SHMT1: variants seen among roughly 807,000 people sequenced by gnomAD.
SHMT1 encodes the protein serine hydroxymethyltransferase 1.
Under a neutral mutation model 49.0 loss-of-function variants are expected in SHMT1, and 45 were observed. The ratio of observed to expected loss-of-function variants is 0.92; its 90% confidence interval spans 0.72 to 1.18. The LOEUF (loss-of-function observed/expected upper bound fraction) is 1.18. Among genes scored for constraint, SHMT1 ranks in the 50% most tolerant of loss-of-function variants. The probability of loss-of-function intolerance (pLI) is 0.00; values close to 1 mark genes in which losing one functional copy is unlikely to be tolerated. For missense variants in SHMT1, 541 were observed against 612.4 expected (o/e 0.88, Z 1.23); for synonymous variants, 232 against 246.6 (o/e 0.94, Z 0.55).
chr17:18,346,703 T>C (rs551825273), intron 5 of SHMT1, among the ~76,000 whole-genome samples: 30 of 152,156 alleles, frequency 2.0e-4, no homozygotes, highest in Non-Finnish European at 3.7e-4. Context: ...ATACCTAACC[T>C]ACCAAACATC....
chr17:18,362,905 C>A (rs1406512262), intron 1 of SHMT1: 1 of 152,186 alleles, frequency 6.6e-6, no homozygotes, highest in East Asian at 1.9e-4. Flanking sequence ...CCTTTAGGGG[C>A]GCAGGCTTTG....
rs1048683127 is a variant in SHMT1, at chr17:18,333,372, C to A, written c.932-84G>T. On this transcript the variant is annotated intron_variant, in intron 8 of 11. Coordinates refer to ENST00000316694, the MANE Select transcript of SHMT1 (RefSeq NM_004169.5). ...GTCAAACAACATTCCTGTTTTTACT[C>A]AAGCTTCCTTGCTTTTCAATGTCAC... 2.1e-5 allele frequency: 29 copies of A among 1,404,178 alleles called. No individual in the cohort carries two copies. The African/African-American group carries it at 3.5e-4, about 17-fold the overall frequency. 87.0% of individuals were successfully genotyped at this position (1,404,178 alleles called of 1,614,324 possible).
At chr17:18,329,036 A>G in intron 11 of SHMT1, 117 bp from the exon 12 acceptor site, 2 of 1,322,710 alleles carry the variant, frequency 1.5e-6, no homozygotes, top group South Asian at 1.2e-5. Context: ...GGCAGGGCAC[A>G]AGGTCTCCAT....
rs1226199687 is a variant in SHMT1, at chr17:18,329,294, G to A, written c.1266C>T (p.Ala422=). The change falls in exon 11 of 12, where the codon GCC becomes GCT. Residue 422 remains alanine, a synonymous_variant. Coordinates refer to ENST00000316694, the MANE Select transcript of SHMT1 (RefSeq NM_004169.5). ...TATCCTTACCTCTGTGAATAAAGTG[G>A]GCTACTTTTTGGAAGTCTTTTTCCA... is the stretch of plus-strand genomic sequence containing the variant. The part of the protein sequence containing the change: ...GLLEKDFQKV[A]HFIHRGIELT... The A allele has an allele frequency of 3.0e-5, 48 of 1,612,160 alleles. No homozygotes were observed. Among genetic ancestry groups the A allele is most frequent in the Non-Finnish European group, 4.1e-5 (48 of 1,178,844 alleles).
At chr17:18,362,996 T>G (rs553036913) in intron 1 of SHMT1, 3 of 152,322 alleles carry the variant, frequency 2.0e-5, no homozygotes, top group African/African-American at 7.2e-5. Context: ...ACCTGTAAAA[T>G]GGGGGAAACA....
At chr17:18,354,840 T>C (rs181675331) in intron 2 of SHMT1, among the ~76,000 whole-genome samples, 13,850 of 129,316 alleles carry the variant, frequency 0.11, 695 homozygotes, top group South Asian at 0.18. Context: ...GAGATCAAGA[T>C]CATCCTGGCT....
In SHMT1 at chr17:18,340,281, G is replaced by A. The variant is rs552371570; in HGVS notation, c.602-26C>T. 38 of 1,611,298 alleles carry A rather than the reference G, an allele frequency of 2.4e-5. No homozygotes were observed. In the South Asian group the frequency reaches 4.0e-4, roughly 17 times the overall value. ...CTGAGACAGGAAAGGTGACACAGCT[G>A]CATCAGAGATGTCCACCGGCCAGCT... On this transcript the variant is annotated intron_variant, in intron 6 of 11. Coordinates refer to ENST00000316694, the MANE Select transcript of SHMT1 (RefSeq NM_004169.5). The surrounding 1 kb of genome is among the most constrained non-coding windows in gnomAD (Gnocchi z 4.5).
intron 1 of SHMT1, among the ~76,000 whole-genome samples, chr17:18,358,838 G>A (rs373507761): frequency 1.3e-5 from 2 of 152,176 alleles, no homozygotes; most frequent in Admixed American, 6.6e-5. Flanking sequence ...GGAAGCTAGA[G>A]GTTGCAATGA....
intron 7 of SHMT1, among the ~76,000 whole-genome samples, chr17:18,339,441 A>G (rs1326567850): frequency 6.6e-6 from 1 of 152,158 alleles, no homozygotes; most frequent in Non-Finnish European, 1.5e-5. Context: ...GAGTTCAGCA[A>G]CCGGCGCCAT....
chr17:18,339,946 G>A (rs1406411554), intron 7 of SHMT1, 97 bp downstream of exon 7: 1 of 1,203,908 alleles, frequency 8.3e-7, no homozygotes, highest in African/African-American at 1.5e-5. Flanking sequence ...AAGGATCCCA[G>A]GTCAGAGTTT....
chr17:18,329,432 A>G (rs754097905), intron 10 of SHMT1, 44 bp from the exon 11 acceptor site: 2 of 1,454,218 alleles, frequency 1.4e-6, no homozygotes, highest in South Asian at 2.3e-5. Flanking sequence ...CATTGTCACC[A>G]CTGTGATGGT....
At chr17:18,348,536 A>G (rs1169587011) in intron 3 of SHMT1, 96 bp from the exon 4 acceptor site, 10 of 857,052 alleles carry the variant, frequency 1.2e-5, no homozygotes, top group East Asian at 9.7e-5. Flanking sequence ...CAGTGAAACT[A>G]AAGTGGAGAG....
At chr17:18,339,302 CTA>C (rs1434655987) in intron 7 of SHMT1, among the ~76,000 whole-genome samples, 2 of 152,178 alleles carry the variant, frequency 1.3e-5, no homozygotes, top group East Asian at 1.9e-4. Flanking sequence ...AGTTTGACTA[CTA>C]TGAGTCTTTC....
intron 4 of SHMT1, chr17:18,348,101 GT>G: frequency 1.9e-6 from 1 of 527,722 alleles, no homozygotes; most frequent in South Asian, 1.9e-5. Context: ...TGTATTTTTA[GT>G]GGAGACCGGG....
rs906593053 is a variant in SHMT1 at position 18,336,583 on chromosome 17, T to A, written c.815-908A>T. 2.0e-5 allele frequency among the ~76,000 whole-genome samples: 3 copies of A among 151,772 alleles called. No individual in the cohort carries two copies. The South Asian group carries it at 6.2e-4, about 32-fold the overall frequency. ...CAGGAGGCTGAAGCAGGAGAATGCG[T>A]TGAACCCGGGAGGTGGAGGTTGTAG... On this transcript the variant is annotated intron_variant, in intron 7 of 11. Coordinates refer to ENST00000316694, the MANE Select transcript of SHMT1 (RefSeq NM_004169.5).
rs1189387298 is a variant in SHMT1 at position 18,353,577 on chromosome 17, T to C, written c.242+95A>G. 6 of 1,285,292 alleles carry C rather than the reference T, an allele frequency of 4.7e-6. No individual in the cohort carries two copies. The Admixed American group carries it at 8.4e-5, about 18-fold the overall frequency. 79.6% of individuals were successfully genotyped at this position (1,285,292 alleles called of 1,614,324 possible). A position where few individuals can be genotyped will look rare whatever the true frequency, so the allele number is the denominator to read the frequency against. On this transcript the variant is annotated intron_variant, in intron 3 of 11. Transcript: ENST00000316694. Reference sequence around the variant, plus strand: ...AGAAATCCTACAGCTGGGAAGCTTATTGTTTTCTGAAATTTCCAAATTGTT... The same window carrying C: ...AGAAATCCTACAGCTGGGAAGCTTACTGTTTTCTGAAATTTCCAAATTGTT...
At chr17:18,358,382 C>T (rs1047340629) in intron 1 of SHMT1, among the ~76,000 whole-genome samples, 1 of 151,622 alleles carries the variant, frequency 6.6e-6, no homozygotes, top group Non-Finnish European at 1.5e-5. Flanking sequence ...CCCAGCTACT[C>T]GGGAGGCTGA....
chr17:18,350,173 T>A (rs1221480073), intron 3 of SHMT1, among the ~76,000 whole-genome samples: 1 of 150,668 alleles, frequency 6.6e-6, no homozygotes, highest in African/African-American at 2.4e-5. Flanking sequence ...CTAAAAAATA[T>A]ATAAAAAATT....
intron 1 of SHMT1, among the ~76,000 whole-genome samples, chr17:18,359,118 AC>A (rs1986519535): frequency 6.6e-6 from 1 of 150,690 alleles, no homozygotes; most frequent in African/African-American, 2.4e-5. Context: ...GGCACCTGTA[AC>A]CCCAGCTACT....
Sources: allele counts gnomAD v4.1 joint callset (sites outside exome capture counted in the v4.1 genomes callset), GRCh38; gene constraint gnomAD v4.1.1; non-coding constraint Gnocchi (gnomAD v3.1); transcripts MANE v1.5; gene names NCBI Gene and HGNC (gene_info 2026-07-23, HGNC 2026-07-21).